Variants in CDX1 observed in about 807,000 individuals in gnomAD.
CDX1 encodes homeobox protein CDX-1.
In CDX1, 9 loss-of-function variants were observed where a neutral mutation model predicts 16.9. The observed-to-expected ratio is 0.53, with a 90% CI of 0.32 to 0.93. The LOEUF (loss-of-function observed/expected upper bound fraction) is 0.93. CDX1 is among the 40% of genes least tolerant of loss of function. The pLI, the probability that CDX1 is intolerant of heterozygous loss-of-function variation, is 0.04. For synonymous variants in CDX1, 179 were observed against 179.0 expected (o/e 1.00, Z 0.00); for missense variants, 393 against 386.1 (o/e 1.02, Z -0.15).
In CDX1 at chr5:150,177,333, C is replaced by T. The variant is rs60708930; in HGVS notation, c.446-5435C>T. Among the ~76,000 whole-genome samples, 917 of 152,326 alleles carry T rather than the reference C, an allele frequency of 6.0e-3. 8 individuals carry two copies. The highest frequency in any genetic ancestry group is 0.021 in the African/African-American group (878 of 41,564). On this transcript the variant is annotated intron_variant, in intron 1 of 2. Coordinates refer to ENST00000231656, the MANE Select transcript of CDX1 (RefSeq NM_001804.3). The stretch of plus-strand genomic sequence containing the variant: ...AAGTAAACGGTCATTTCTAGCAGAC[C>T]GCCCATTGCACAGATCCATTCCCTG...
chr5:150,179,382 G>A (rs1761612063), intron 1 of CDX1, among the ~76,000 whole-genome samples: 1 of 152,208 alleles, frequency 6.6e-6, no homozygotes, highest in Non-Finnish European at 1.5e-5. Flanking sequence ...CCAGGAGAGA[G>A]AGGAGTAATT....
Position 150,167,226 on chromosome 5 carries a change from G to A in CDX1, c.350G>A (p.Gly117Glu). ...CCGGGCCTCCTGGCGCAGCCCCTCGGGGGCCCGGGCACACCGTCCTCGCCC... is the reference window on the plus strand; with the variant it reads ...CCGGGCCTCCTGGCGCAGCCCCTCGAGGGCCCGGGCACACCGTCCTCGCCC... ...PGPGLLAQPL[G>E]GPGTPSSPGA... The change falls in exon 1 of 3, where the codon GGG becomes GAG. Residue 117 changes from glycine (G) to glutamate (E), a missense_variant. Physicochemically the swap from Gly to Glu is moderately conservative, Grantham distance 98. Coordinates refer to ENST00000231656, the MANE Select transcript of CDX1 (RefSeq NM_001804.3). 1 of 1,261,360 alleles carries A rather than the reference G, an allele frequency of 7.9e-7. No homozygotes were observed. 78.1% of individuals were successfully genotyped at this position (1,261,360 alleles called of 1,614,324 possible).
chr5:150,172,432 T>A (rs575302658), intron 1 of CDX1, among the ~76,000 whole-genome samples: 14 of 152,276 alleles, frequency 9.2e-5, no homozygotes, highest in African/African-American at 3.4e-4. Flanking sequence ...TCTAGTATAC[T>A]CATTTTATAG....
chr5:150,166,803 C>A lies in CDX1; in HGVS notation c.-74C>A. On this transcript the variant is annotated 5_prime_UTR_variant, in exon 1 of 3. Coordinates refer to ENST00000231656, the MANE Select transcript of CDX1 (RefSeq NM_001804.3). ...GGCAGGACAGCCGAGTTCAGGTGAGCGGTTGCTCGTCGTCGGGGCGGCCGG... is the reference window on the plus strand; with the variant it reads ...GGCAGGACAGCCGAGTTCAGGTGAGAGGTTGCTCGTCGTCGGGGCGGCCGG... 9.2e-7 allele frequency: 1 copy of A among 1,084,488 alleles called. No individual in the cohort carries two copies. The highest frequency in any genetic ancestry group is 1.2e-6 in the Non-Finnish European group (1 of 812,396). The allele number at this position is 1,084,488 out of a possible 1,614,324, so 67.2% of individuals were successfully genotyped here.
chr5:150,174,475 G>A (rs1356776752), intron 1 of CDX1, among the ~76,000 whole-genome samples: 8 of 152,238 alleles, frequency 5.3e-5, no homozygotes, highest in Non-Finnish European at 2.9e-5. Flanking sequence ...GTGTGCTGCA[G>A]TGTGGGCGTC....
At chr5:150,167,554 A>G (rs1380793596) in intron 1 of CDX1, among the ~76,000 whole-genome samples, 1 of 152,112 alleles carries the variant, frequency 6.6e-6, no homozygotes, top group East Asian at 1.9e-4. Flanking sequence ...GGAAACCGAG[A>G]CCCCCTGCGA....
At chr5:150,174,525 G>A (rs1279579510) in intron 1 of CDX1, among the ~76,000 whole-genome samples, 1 of 152,234 alleles carries the variant, frequency 6.6e-6, no homozygotes, top group Middle Eastern at 3.2e-3. Flanking sequence ...CGTTTGTCCA[G>A]TAGGACTTTC....
intron 1 of CDX1, among the ~76,000 whole-genome samples, chr5:150,171,770 G>A (rs895221028): frequency 6.6e-6 from 1 of 152,198 alleles, no homozygotes; most frequent in Non-Finnish European, 1.5e-5. Context: ...TAAGAGCCAG[G>A]GCTTGGGAGT....
At chr5:150,172,511 A>G (rs942628629) in intron 1 of CDX1, among the ~76,000 whole-genome samples, 3 of 152,164 alleles carry the variant, frequency 2.0e-5, no homozygotes, top group Non-Finnish European at 4.4e-5. Context: ...ACATGGCAGC[A>G]CAGTGTTTAC....
chr5:150,173,304 C>A (rs1438962900), intron 1 of CDX1, among the ~76,000 whole-genome samples: 2 of 152,204 alleles, frequency 1.3e-5, no homozygotes, highest in African/African-American at 4.8e-5. Context: ...ATGGCCTGAA[C>A]AAGGCAGACG....
At chr5:150,182,961 G>A in intron 2 of CDX1, 48 bp downstream of exon 2, 3 of 1,548,924 alleles carry the variant, frequency 1.9e-6, no homozygotes, top group Non-Finnish European at 2.6e-6. Flanking sequence ...CGAGGACTCT[G>A]GTCTCCAGGC....
rs1752486040 is a variant in CDX1, at chr5:150,182,978, G to A, written c.591+65G>A. 3.3e-6 allele frequency: 5 copies of A among 1,526,848 alleles called. No individual in the cohort carries two copies. The Admixed American group carries it at 8.0e-5, about 24-fold the overall frequency. The allele number at this position is 1,526,848 out of a possible 1,614,324, so 94.6% of individuals were successfully genotyped here. On this transcript the variant is annotated intron_variant, in intron 2 of 2. Coordinates refer to ENST00000231656, the MANE Select transcript of CDX1 (RefSeq NM_001804.3). ...AGGACTCTGGTCTCCAGGCTGCCAGGCAGAGTACAGAGCTCAGTAGAAGGA... is the reference window on the plus strand; with the variant it reads ...AGGACTCTGGTCTCCAGGCTGCCAGACAGAGTACAGAGCTCAGTAGAAGGA...
intron 2 of CDX1, 76 bp downstream of exon 2, chr5:150,182,989 A>T: frequency 6.8e-7 from 1 of 1,480,754 alleles, no homozygotes; most frequent in South Asian, 1.4e-5. Context: ...CAGAGTACAG[A>T]GCTCAGTAGA....
chr5:150,166,981 GC>G lies in CDX1; in HGVS notation c.110del (p.Pro37ArgfsTer162). The G allele has an allele frequency of 1.2e-5, 17 of 1,402,726 alleles. No homozygotes were observed. The highest frequency in any genetic ancestry group is 8.8e-5 in the Admixed American group (3 of 33,962). The allele number at this position is 1,402,726 out of a possible 1,614,324, so 86.9% of individuals were successfully genotyped here. On this transcript the variant is annotated frameshift_variant, in exon 1 of 3. Coordinates refer to ENST00000231656, the MANE Select transcript of CDX1 (RefSeq NM_001804.3). LOFTEE classifies it high-confidence loss of function. The part of the protein sequence containing the change: ...GPQAYGPPAP[P>X]PAPPQYPDFS... Reference sequence around the variant, plus strand: ...CGCAAGCCTACGGCCCCCCGGCCCCGCCCCCGGCGCCCCCGCAGTACCCCGA... The same window carrying G: ...CGCAAGCCTACGGCCCCCCGGCCCCGCCCCGGCGCCCCCGCAGTACCCCGA...
chr5:150,167,116 CG>C lies in CDX1; in HGVS notation c.241del (p.Ala81ArgfsTer118). On this transcript the variant is annotated frameshift_variant, in exon 1 of 3. Coordinates refer to ENST00000231656, the MANE Select transcript of CDX1 (RefSeq NM_001804.3). LOFTEE classifies it high-confidence loss of function. ...DWAAAYGPGP[A>X]APAASPASLA... ...GGGCCGCCGCCTACGGCCCGGGCCC[CG>C]CGGCCCCTGCCGCCAGCCCAGCTTC... 1 of 1,338,896 alleles carries C rather than the reference CG, an allele frequency of 7.5e-7. No individual in the cohort carries two copies. Among genetic ancestry groups the C allele is most frequent in the Non-Finnish European group, 9.5e-7 (1 of 1,053,578 alleles). 82.9% of individuals were successfully genotyped at this position (1,338,896 alleles called of 1,614,324 possible). A position where few individuals can be genotyped will look rare whatever the true frequency, so the allele number is the denominator to read the frequency against.
rs772331278 is a variant in CDX1, at chr5:150,166,899, A to G, written c.23A>G (p.Asp8Gly). Reference sequence around the variant, plus strand: ...ACCATGTATGTGGGCTATGTGCTGGACAAGGATTCGCCCGTGTACCCCGGC... The same window carrying G: ...ACCATGTATGTGGGCTATGTGCTGGGCAAGGATTCGCCCGTGTACCCCGGC... MYVGYVLDKDSPVYPGPA... is the reference protein window; with the variant it reads MYVGYVLGKDSPVYPGPA... The change falls in exon 1 of 3, where the codon GAC becomes GGC. Residue 8 changes from aspartate (D) to glycine (G), a missense_variant. By Grantham distance (94) the Asp-to-Gly change is moderately conservative. Coordinates refer to ENST00000231656, the MANE Select transcript of CDX1 (RefSeq NM_001804.3). 9.9e-6 allele frequency: 15 copies of G among 1,520,166 alleles called. No individual in the cohort carries two copies. Among genetic ancestry groups the G allele is most frequent in the Non-Finnish European group, 1.2e-5 (14 of 1,139,966 alleles). 94.2% of individuals were successfully genotyped at this position (1,520,166 alleles called of 1,614,324 possible).
At position 150,167,153 on chromosome 5, in the gene CDX1, G is replaced by C. The variant is rs1422368526; in HGVS notation, c.277G>C (p.Gly93Arg). 3.8e-6 allele frequency: 5 copies of C among 1,319,792 alleles called. No individual in the cohort carries two copies. Among genetic ancestry groups the C allele is most frequent in the Non-Finnish European group, 3.8e-6 (4 of 1,044,154 alleles). 81.8% of individuals were successfully genotyped at this position (1,319,792 alleles called of 1,614,324 possible). Residue 93 changes from glycine (G) to arginine (R), a missense_variant, in exon 1 of 3, where the codon GGG becomes CGG. By Grantham distance (125) the Gly-to-Arg change is moderately radical. Coordinates refer to ENST00000231656, the MANE Select transcript of CDX1 (RefSeq NM_001804.3). ...PAASPASLAFGPPPDFSPVPA... is the reference protein window; with the variant it reads ...PAASPASLAFRPPPDFSPVPA... ...CGCCAGCCCAGCTTCGCTGGCATTC[G>C]GGCCCCCTCCAGACTTTAGCCCGGT...
chr5:150,183,419 C>G, intron 2 of CDX1, 55 bp from the exon 3 acceptor site: 1 of 1,458,698 alleles, frequency 6.9e-7, no homozygotes, highest in Non-Finnish European at 9.3e-7. Flanking sequence ...TTCTTGCACT[C>G]TCTCTTTCAC....
At chr5:150,178,021 C>T (rs577262884) in intron 1 of CDX1, among the ~76,000 whole-genome samples, 3 of 152,180 alleles carry the variant, frequency 2.0e-5, no homozygotes, top group Non-Finnish European at 4.4e-5. Flanking sequence ...ACCAACCACA[C>T]GTTAGGGTCA....
Sources: allele counts gnomAD v4.1 joint callset (sites outside exome capture counted in the v4.1 genomes callset), GRCh38; gene constraint gnomAD v4.1.1; transcripts MANE v1.5; gene names NCBI Gene and HGNC (gene_info 2026-07-23, HGNC 2026-07-21).